NXN: variants seen among roughly 807,000 people sequenced by gnomAD.
The protein encoded by NXN is nucleoredoxin, also known as nucleoredoxin 1.
A neutral mutation model predicts 48.6 loss-of-function variants in NXN; 16 were observed. The ratio of observed to expected loss-of-function variants is 0.33; its 90% confidence interval spans 0.22 to 0.50. The LOEUF (loss-of-function observed/expected upper bound fraction) is 0.50, where lower values mean the gene tolerates loss of function less well. Ranked by LOEUF, NXN falls within the 20% of genes least tolerant of loss-of-function variation. The probability of loss-of-function intolerance (pLI) is 0.98; values close to 1 mark genes in which losing one functional copy is unlikely to be tolerated. For synonymous variants in NXN, 281 were observed against 269.6 expected, an observed-to-expected ratio of 1.04 and a Z score of -0.41; for missense variants, 492 against 605.5, an observed-to-expected ratio of 0.81 and a Z score of 1.97.
intron 1 of NXN, among the ~76,000 whole-genome samples, chr17:873,635 T>A (rs896553094): frequency 2.0e-5 from 3 of 152,112 alleles, no homozygotes; most frequent in Non-Finnish European, 2.9e-5. Context: ...TCTTGAGACC[T>A]CCTTAGCTAG....
At chr17:952,846 G>A (rs1383318914) in intron 1 of NXN, among the ~76,000 whole-genome samples, 3 of 151,220 alleles carry the variant, frequency 2.0e-5, no homozygotes, top group Non-Finnish European at 4.4e-5. Context: ...GACCAAGGTT[G>A]GAACCCGGCA....
chr17:839,962 A>T (rs1398386412), intron 1 of NXN, among the ~76,000 whole-genome samples: 1 of 151,174 alleles, frequency 6.6e-6, no homozygotes, highest in Non-Finnish European at 1.5e-5. Context: ...CTGGGCAAGG[A>T]GACAGGTGCC....
intron 1 of NXN, among the ~76,000 whole-genome samples, chr17:931,882 G>C (rs1371871567): frequency 7.0e-6 from 1 of 141,878 alleles, no homozygotes; most frequent in Admixed American, 7.2e-5. Context: ...AGTGGCTCAC[G>C]CCTGTAATCC....
chr17:959,914 G>C (rs1452293160), intron 1 of NXN, among the ~76,000 whole-genome samples: 1 of 152,004 alleles, frequency 6.6e-6, no homozygotes, highest in Non-Finnish European at 1.5e-5. Flanking sequence ...CCAACACAAT[G>C]AAACCCTGTC....
intron 1 of NXN, among the ~76,000 whole-genome samples, chr17:856,049 T>C (rs1461135704): frequency 2.6e-5 from 4 of 152,026 alleles, no homozygotes; most frequent in East Asian, 1.9e-4. Flanking sequence ...AAAAATTAGC[T>C]GGGCGTGGTG....
intron 1 of NXN, among the ~76,000 whole-genome samples, chr17:881,947 G>T (rs1474372335): frequency 1.3e-5 from 2 of 152,140 alleles, no homozygotes; most frequent in Non-Finnish European, 2.9e-5. Context: ...GGATGGGAGG[G>T]GGAGTCACCA....
At chr17:915,155 C>T (rs926648388) in intron 1 of NXN, among the ~76,000 whole-genome samples, 2 of 152,078 alleles carry the variant, frequency 1.3e-5, no homozygotes, top group East Asian at 1.9e-4. Context: ...AGGCTGGCCT[C>T]GAACTTCTGA....
At chr17:835,975 T>C (rs1597646320) in intron 1 of NXN, among the ~76,000 whole-genome samples, 1 of 22,268 alleles carries the variant, frequency 4.5e-5, no homozygotes, top group Non-Finnish European at 8.1e-5. Flanking sequence ...TTCGTCAGCC[T>C]CATAGAGGCC....
chr17:951,834 G>A (rs914229473), intron 1 of NXN, among the ~76,000 whole-genome samples: 3 of 152,140 alleles, frequency 2.0e-5, no homozygotes, highest in East Asian at 3.9e-4. Context: ...CAGAGAGGAC[G>A]GGAGGCAGGA....
chr17:822,268 A>C (rs1912857750), intron 4 of NXN, 89 bp downstream of exon 4: 1 of 914,798 alleles, frequency 1.1e-6, no homozygotes, highest in African/African-American at 1.6e-5. Context: ...GACAAGAGCA[A>C]GACTCTGTCT....
At chr17:834,509 G>A (rs1161970111) in intron 1 of NXN, among the ~76,000 whole-genome samples, 2 of 152,070 alleles carry the variant, frequency 1.3e-5, no homozygotes, top group African/African-American at 4.8e-5. Flanking sequence ...CCACCTCCTG[G>A]GTTTAAGTGA....
intron 1 of NXN, among the ~76,000 whole-genome samples, chr17:970,585 A>C (rs974246824): frequency 4.6e-5 from 7 of 152,318 alleles, no homozygotes; most frequent in Admixed American, 2.6e-4. Flanking sequence ...GTCCCTGCAC[A>C]CCTAGAGGAA....
chr17:813,768 A>G (rs1912309651), intron 5 of NXN, among the ~76,000 whole-genome samples: 1 of 151,506 alleles, frequency 6.6e-6, no homozygotes, highest in Non-Finnish European at 1.5e-5. Context: ...GGAGTTTGAG[A>G]CCAGCCTGGT....
chr17:926,671 G>C (rs1465226048), intron 1 of NXN, among the ~76,000 whole-genome samples: 1 of 151,220 alleles, frequency 6.6e-6, no homozygotes, highest in Admixed American at 6.6e-5. Context: ...TCAGCGTTCC[G>C]AGTAGCTCAG....
At chr17:885,744 A>G (rs1229399120) in intron 1 of NXN, among the ~76,000 whole-genome samples, 5 of 137,114 alleles carry the variant, frequency 3.6e-5, no homozygotes, top group Admixed American at 7.7e-5. Flanking sequence ...GCAGTGGCGC[A>G]ATCTCAGCTC....
intron 1 of NXN, among the ~76,000 whole-genome samples, chr17:973,979 A>G (rs1274696578): frequency 6.7e-6 from 1 of 149,694 alleles, no homozygotes; most frequent in Non-Finnish European, 1.5e-5. Context: ...GTGCCCGGCC[A>G]TTGTAGGGCA....
intron 1 of NXN, among the ~76,000 whole-genome samples, chr17:941,129 A>C (rs1293459770): frequency 1.6e-5 from 2 of 126,030 alleles, no homozygotes; most frequent in Admixed American, 7.6e-5. Flanking sequence ...TCCTGGATTT[A>C]CAGTGAACAA....
chr17:935,635 G>A (rs928334562), intron 1 of NXN, among the ~76,000 whole-genome samples: 2 of 152,146 alleles, frequency 1.3e-5, no homozygotes, highest in Non-Finnish European at 2.9e-5. Context: ...CTAAGACCCT[G>A]AGCTCTGCAG....
rs59903808 is a variant in NXN, at chr17:830,987, C to T, written c.361-4909G>A. 1.5e-5 allele frequency among the ~76,000 whole-genome samples: 2 copies of T among 136,156 alleles called. No individual in the cohort carries two copies. The highest frequency in any genetic ancestry group is 2.8e-5 in the African/African-American group (1 of 35,652). 89.3% of individuals were successfully genotyped at this position (136,156 alleles called of 152,430 possible). A position where few individuals can be genotyped will look rare whatever the true frequency, so the allele number is the denominator to read the frequency against. Reference sequence around the variant, plus strand: ...TGCACTCCAGCCTGGGCAACAAGAGCGAAACTCCGTCTCAAAAAAAAAAAA... The same window carrying T: ...TGCACTCCAGCCTGGGCAACAAGAGTGAAACTCCGTCTCAAAAAAAAAAAA... On this transcript the variant is annotated intron_variant, in intron 1 of 7. Transcript: ENST00000336868. The surrounding 1 kb of genome is among the most constrained non-coding windows in gnomAD (Gnocchi z 4.2).
Sources: allele counts gnomAD v4.1 joint callset (sites outside exome capture counted in the v4.1 genomes callset), GRCh38; gene constraint gnomAD v4.1.1; non-coding constraint Gnocchi (gnomAD v3.1); transcripts MANE v1.5; gene names NCBI Gene and HGNC (gene_info 2026-07-23, HGNC 2026-07-21).